Variants in LINGO2 observed in about 807,000 individuals in gnomAD.
LINGO2 encodes the protein leucine-rich repeat and immunoglobulin-like domain-containing nogo receptor-interacting protein 2.
In LINGO2, 14 loss-of-function variants were observed where a neutral mutation model predicts 30.6. That is an observed-to-expected ratio of 0.46 (90% CI 0.30 to 0.72). LINGO2 has a LOEUF of 0.72. Ranked by LOEUF, LINGO2 falls within the 30% of genes least tolerant of loss-of-function variation. LINGO2 has a pLI of 0.07. For synonymous variants in LINGO2, 317 were observed against 288.5 expected (o/e 1.10, Z -1.00); for missense variants, 729 against 751.7 (o/e 0.97, Z 0.35).
chr9:29,098,573 C>T, the LINGO2 span, among the ~76,000 whole-genome samples: 35,858 of 151,680 alleles, frequency 0.24, 4,372 homozygotes, highest in East Asian at 0.41. Context: ...GTCCCTGAGA[C>T]GTGAAAAACT....
chr9:28,958,449 T>G, the LINGO2 span, among the ~76,000 whole-genome samples: 1 of 151,996 alleles, frequency 6.6e-6, no homozygotes, highest in East Asian at 1.9e-4. Context: ...GCAGCAGAGG[T>G]AGTCTAAAAA....
At chr9:28,469,599 C>T (rs563332150) in intron 2 of LINGO2, among the ~76,000 whole-genome samples, 24 of 152,126 alleles carry the variant, frequency 1.6e-4, no homozygotes, top group African/African-American at 5.3e-4. Context: ...TACAAGGGAT[C>T]CTTGATAAAC....
At chr9:28,432,164 T>C (rs1324224881) in intron 2 of LINGO2, among the ~76,000 whole-genome samples, 1 of 152,108 alleles carries the variant, frequency 6.6e-6, no homozygotes, top group Non-Finnish European at 1.5e-5. Flanking sequence ...GATGAGATAT[T>C]ATTTAGGCCT....
At chr9:29,001,091 A>G in the LINGO2 span, among the ~76,000 whole-genome samples, 16 of 150,826 alleles carry the variant, frequency 1.1e-4, no homozygotes, top group East Asian at 3.9e-4. Flanking sequence ...GTATATTTGT[A>G]TGTGTGTGTG....
At chr9:28,783,575 C>T in the LINGO2 span, among the ~76,000 whole-genome samples, 5 of 152,214 alleles carry the variant, frequency 3.3e-5, no homozygotes, top group African/African-American at 1.2e-4. Flanking sequence ...ACTAAGGGAA[C>T]ACAAACCCCA....
intron 5 of LINGO2, among the ~76,000 whole-genome samples, chr9:27,970,078 G>A (rs1820281871): frequency 6.6e-6 from 1 of 152,128 alleles, no homozygotes; most frequent in African/African-American, 2.4e-5. Context: ...AAAATCCAAG[G>A]TGAAAGTGGG....
the LINGO2 span, among the ~76,000 whole-genome samples, chr9:28,783,048 T>C: frequency 6.6e-6 from 1 of 152,238 alleles, no homozygotes; most frequent in African/African-American, 2.4e-5. Context: ...AGTAAAAATA[T>C]GATGTAATCT....
the LINGO2 span, among the ~76,000 whole-genome samples, chr9:28,823,004 T>A: frequency 6.6e-6 from 1 of 152,176 alleles, no homozygotes; most frequent in Non-Finnish European, 1.5e-5. Flanking sequence ...GTTACTATAT[T>A]AACATGCTTA....
At chr9:28,846,777 G>C in the LINGO2 span, among the ~76,000 whole-genome samples, 15 of 148,002 alleles carry the variant, frequency 1.0e-4, 1 homozygote, top group Middle Eastern at 3.5e-3. Flanking sequence ...AAGTGCATTA[G>C]TCAGTTTTTG....
At chr9:28,515,686 C>A (rs2135381937) in intron 1 of LINGO2, among the ~76,000 whole-genome samples, 1 of 152,276 alleles carries the variant, frequency 6.6e-6, no homozygotes, top group East Asian at 1.9e-4. Context: ...AAAGTGGTTT[C>A]TTTTTATGAA....
At chr9:28,947,763 T>C in the LINGO2 span, among the ~76,000 whole-genome samples, 1 of 151,532 alleles carries the variant, frequency 6.6e-6, no homozygotes, top group East Asian at 1.9e-4. Flanking sequence ...ATATATGTAA[T>C]ATGTATATAT....
intron 5 of LINGO2, among the ~76,000 whole-genome samples, chr9:27,969,829 A>G (rs190278050): frequency 8.5e-5 from 13 of 152,170 alleles, no homozygotes; most frequent in Middle Eastern, 6.8e-3. Context: ...AAGGTCAGTT[A>G]GGTAGTGTGG....
intron 3 of LINGO2, among the ~76,000 whole-genome samples, chr9:28,308,182 A>T (rs1824450069): frequency 7.8e-6 from 1 of 128,312 alleles, no homozygotes; most frequent in Admixed American, 7.9e-5. Flanking sequence ...TTCAAAGTAT[A>T]CTACAAGGCT....
At chr9:28,456,515 A>T (rs1287913067) in intron 2 of LINGO2, among the ~76,000 whole-genome samples, 1 of 152,198 alleles carries the variant, frequency 6.6e-6, no homozygotes, top group Non-Finnish European at 1.5e-5. Context: ...GGCTTGCAGA[A>T]GTCTCCCTTG....
chr9:29,022,154 C>G, the LINGO2 span, among the ~76,000 whole-genome samples: 1 of 151,928 alleles, frequency 6.6e-6, no homozygotes, highest in African/African-American at 2.4e-5. Flanking sequence ...GAAACCCTAT[C>G]GATTTTCTCC....
the LINGO2 span, among the ~76,000 whole-genome samples, chr9:28,800,982 G>T: frequency 6.6e-6 from 1 of 152,040 alleles, no homozygotes; most frequent in Non-Finnish European, 1.5e-5. Context: ...TGAGCAACAT[G>T]GCATGATTGG....
At chr9:28,111,411 A>T (rs971604039) in intron 4 of LINGO2, among the ~76,000 whole-genome samples, 9 of 147,962 alleles carry the variant, frequency 6.1e-5, no homozygotes, top group African/African-American at 1.0e-4. Context: ...AATAAAAATT[A>T]AAAAAAAAAG....
intron 3 of LINGO2, among the ~76,000 whole-genome samples, chr9:28,326,543 TTTG>T (rs1825236277): frequency 6.6e-6 from 1 of 152,204 alleles, no homozygotes; most frequent in Non-Finnish European, 1.5e-5. Context: ...AATTACTGTA[TTTG>T]TTGTTCACCT....
the LINGO2 span, among the ~76,000 whole-genome samples, chr9:28,698,192 T>C: frequency 6.6e-6 from 1 of 152,100 alleles, no homozygotes; most frequent in Non-Finnish European, 1.5e-5. Context: ...TGGTTTTTCA[T>C]GCTTTTTACT....
Sources: gnomAD v4.1 joint callset for allele counts (sites outside exome capture counted in the v4.1 genomes callset) on GRCh38, gnomAD v4.1.1 for gene constraint, MANE v1.5 for transcripts, NCBI Gene and HGNC (gene_info 2026-07-23, HGNC 2026-07-21) for gene names.